Variants in TMEM132C observed in about 807,000 individuals in gnomAD.
The protein encoded by TMEM132C is protein phosphatase 1, regulatory subunit 152.
Under a neutral mutation model 61.4 loss-of-function variants are expected in TMEM132C, and 29 were observed. That is an observed-to-expected ratio of 0.47 (90% CI 0.35 to 0.64). The LOEUF (loss-of-function observed/expected upper bound fraction) is 0.64, where lower values mean the gene tolerates loss of function less well. Ranked by LOEUF, TMEM132C falls within the 30% of genes least tolerant of loss-of-function variation. The pLI is 0.00. For synonymous variants in TMEM132C, 656 were observed against 633.1 expected (o/e 1.04, Z -0.54); for missense variants, 1,408 against 1,476.9 (o/e 0.95, Z 0.76).
At chr12:128,584,941 C>T (rs1180939362) in intron 3 of TMEM132C, among the ~76,000 whole-genome samples, 1 of 152,180 alleles carries the variant, frequency 6.6e-6, no homozygotes, top group African/African-American at 2.4e-5. Flanking sequence ...GACTTAGGTC[C>T]CCATCTGGTG....
chr12:128,472,521 A>G (rs943163436), intron 2 of TMEM132C, among the ~76,000 whole-genome samples: 2 of 152,216 alleles, frequency 1.3e-5, no homozygotes, highest in Non-Finnish European at 2.9e-5. Context: ...CCTTCCAGGG[A>G]ACATGTGTGC....
chr12:128,323,665 CAG>C (rs1407006446), intron 1 of TMEM132C, among the ~76,000 whole-genome samples: 1 of 152,202 alleles, frequency 6.6e-6, no homozygotes, highest in East Asian at 1.9e-4. Flanking sequence ...AGCACGGTAA[CAG>C]AGTGTGGATC....
intron 1 of TMEM132C, among the ~76,000 whole-genome samples, chr12:128,373,920 C>A (rs1338386528): frequency 6.6e-6 from 1 of 152,216 alleles, no homozygotes; most frequent in Non-Finnish European, 1.5e-5. Context: ...GCAGCAGCTG[C>A]CTGCATCCCC....
intron 5 of TMEM132C, among the ~76,000 whole-genome samples, chr12:128,679,613 T>TTACA (rs1954617835): frequency 2.6e-5 from 4 of 152,320 alleles, no homozygotes; most frequent in African/African-American, 9.6e-5. Flanking sequence ...ACATCTTGCT[T>TTACA]TACAGCCATA....
rs1872574652 is a variant in TMEM132C, at chr12:128,327,936, A to G, written c.85+60449A>G. ...CCTCTGGGTGCAGGCTTCAGAGAGA[A>G]TAGATGTGAATGTTTCTTATTAGAC... On this transcript the variant is annotated intron_variant, in intron 1 of 8. Coordinates refer to ENST00000435159, the MANE Select transcript of TMEM132C (RefSeq NM_001136103.3). Among the ~76,000 whole-genome samples, 2 of 152,084 alleles carry G rather than the reference A, an allele frequency of 1.3e-5. 1 individual carries two copies. Among genetic ancestry groups the G allele is most frequent in the South Asian group, 4.1e-4 (2 of 4,826 alleles).
intron 3 of TMEM132C, among the ~76,000 whole-genome samples, chr12:128,561,820 G>T (rs1008226403): frequency 6.6e-6 from 1 of 152,142 alleles, no homozygotes; most frequent in South Asian, 2.1e-4. Context: ...AAAGTGGTTT[G>T]GTGCCTCTGC....
intron 2 of TMEM132C, among the ~76,000 whole-genome samples, chr12:128,526,422 A>G (rs560537911): frequency 4.6e-5 from 7 of 152,100 alleles, no homozygotes. Context: ...TTATAAGGGC[A>G]CCCTTCCCAT....
chr12:128,397,007 G>C (rs1445483835), intron 1 of TMEM132C, among the ~76,000 whole-genome samples: 1 of 152,202 alleles, frequency 6.6e-6, no homozygotes, highest in Non-Finnish European at 1.5e-5. Flanking sequence ...CCACTGACCA[G>C]GGAGCATCTT....
chr12:128,656,207 C>T (rs766952705), intron 4 of TMEM132C, among the ~76,000 whole-genome samples: 3 of 152,154 alleles, frequency 2.0e-5, no homozygotes, highest in Admixed American at 6.5e-5. Context: ...TGTGCCACCA[C>T]ACCCGGCTAA....
chr12:128,692,943 C>A (rs1483833199), intron 5 of TMEM132C, among the ~76,000 whole-genome samples: 1 of 152,152 alleles, frequency 6.6e-6, no homozygotes, highest in Non-Finnish European at 1.5e-5. Context: ...AAGGGAGGCG[C>A]ATAGGGAAAG....
intron 3 of TMEM132C, among the ~76,000 whole-genome samples, chr12:128,559,337 C>T (rs1255935286): frequency 6.6e-6 from 1 of 152,028 alleles, no homozygotes; most frequent in African/African-American, 2.4e-5. Context: ...TTATATAAAC[C>T]AACCCCCATA....
At chr12:128,462,081 ATC>A (rs765082406) in intron 2 of TMEM132C, among the ~76,000 whole-genome samples, 1 of 143,684 alleles carries the variant, frequency 7.0e-6, no homozygotes, top group Non-Finnish European at 1.5e-5. Context: ...TCTGCTTTGC[ATC>A]TGTTATTTTA....
At chr12:128,303,720 T>G (rs1871670725) in intron 1 of TMEM132C, among the ~76,000 whole-genome samples, 2 of 152,182 alleles carry the variant, frequency 1.3e-5, no homozygotes, top group Non-Finnish European at 2.9e-5. Context: ...TTTTCAGCTC[T>G]TACCATCAAA....
chr12:128,354,542 C>G (rs899956943), intron 1 of TMEM132C, among the ~76,000 whole-genome samples: 1 of 151,680 alleles, frequency 6.6e-6, no homozygotes, highest in Non-Finnish European at 1.5e-5. Flanking sequence ...CACTCCCTCC[C>G]CCACCTCTCT....
At chr12:128,455,794 AATCCAGGCCG>A (rs957856971) in intron 2 of TMEM132C, among the ~76,000 whole-genome samples, 8 of 152,150 alleles carry the variant, frequency 5.3e-5, no homozygotes, top group African/African-American at 1.2e-4. Context: ...AGGGCACAGT[AATCCAGGCCG>A]ACTTACGGGC....
intron 4 of TMEM132C, among the ~76,000 whole-genome samples, chr12:128,654,250 C>T (rs1954301927): frequency 6.6e-6 from 1 of 152,070 alleles, no homozygotes; most frequent in South Asian, 2.1e-4. Flanking sequence ...TTGGATAGAG[C>T]CACGGGGAGA....
At chr12:128,471,480 C>T (rs1870950367) in intron 2 of TMEM132C, among the ~76,000 whole-genome samples, 1 of 152,186 alleles carries the variant, frequency 6.6e-6, no homozygotes, top group Non-Finnish European at 1.5e-5. Context: ...GGTTGTCAAG[C>T]TCTGCCCCTG....
In TMEM132C at chr12:128,707,080, G is replaced by A. The variant is rs1282192299; in HGVS notation, c.*785G>A. 1 of 152,144 alleles carries A rather than the reference G, an allele frequency of 6.6e-6. No homozygotes were observed. Among genetic ancestry groups the A allele is most frequent in the Non-Finnish European group, 1.5e-5 (1 of 68,008 alleles). The allele number at this position is 152,144 out of a possible 1,614,324, so 9.4% of individuals were successfully genotyped here. On this transcript the variant is annotated 3_prime_UTR_variant, in exon 9 of 9. Transcript: ENST00000435159. ...CTATATCCCTCCAGCTTTGTTGATA[G>A]TGGCGGGTTTTGTACAATTGGAGGG...
intron 1 of TMEM132C, among the ~76,000 whole-genome samples, chr12:128,378,482 G>C (rs533393073): frequency 6.6e-6 from 1 of 152,298 alleles, no homozygotes; most frequent in South Asian, 2.1e-4. Context: ...CCAGTGAGGA[G>C]ATCAAAATTT....
Sources: allele counts gnomAD v4.1 joint callset (sites outside exome capture counted in the v4.1 genomes callset), GRCh38; gene constraint gnomAD v4.1.1; transcripts MANE v1.5; gene names NCBI Gene and HGNC (gene_info 2026-07-23, HGNC 2026-07-21).